The following CTNNA2 variants were observed in gnomAD, a reference collection of about 807,000 sequenced individuals.
The protein encoded by CTNNA2 is catenin alpha-2.
In CTNNA2, 42 loss-of-function variants were observed where a neutral mutation model predicts 101.0. The observed-to-expected ratio is 0.42, with a 90% CI of 0.32 to 0.54. The LOEUF is 0.54. CTNNA2 is among the 20% of genes least tolerant of loss of function. The pLI, the probability that CTNNA2 is intolerant of heterozygous loss-of-function variation, is 0.14. For synonymous variants in CTNNA2, 450 were observed against 456.4 expected, an observed-to-expected ratio of 0.99 and a Z score of 0.18; for missense variants, 871 against 1,223.1, an observed-to-expected ratio of 0.71 and a Z score of 4.29.
At chr2:79,297,510 T>G (rs1214171705) in intron 2 of CTNNA2, among the ~76,000 whole-genome samples, 1 of 152,190 alleles carries the variant, frequency 6.6e-6, no homozygotes, top group East Asian at 1.9e-4. Context: ...GGCTTTACTT[T>G]CTCATATCCT....
intron 2 of CTNNA2, 108 bp downstream of exon 2, chr2:79,651,766 G>C (rs1366941944): frequency 2.2e-6 from 2 of 891,608 alleles, no homozygotes; most frequent in African/African-American, 3.3e-5. Context: ...ATCATGCCAT[G>C]ATTCCGATTA....
Position 80,076,278 on chromosome 2 carries a change from C to CTT in CTNNA2, c.1056+166492_1056+166493dup, listed in dbSNP as rs200074706. ...TACAGACTTTTTGCATCATTTTTTC[C>CTT]TTTTTTTTTTTTCTTTTTTAGATAG... is the stretch of plus-strand genomic sequence containing the variant. On this transcript the variant is annotated intron_variant, in intron 7 of 18. Transcript: ENST00000402739. Among the ~76,000 whole-genome samples the CTT allele has an allele frequency of 1.4e-4, 20 of 145,124 alleles. No homozygotes were observed. In the South Asian group the frequency reaches 1.5e-3, roughly 11 times the overall value.
intron 7 of CTNNA2, among the ~76,000 whole-genome samples, chr2:79,983,763 T>A (rs1691559841): frequency 1.3e-5 from 2 of 152,350 alleles, no homozygotes; most frequent in African/African-American, 4.8e-5. Context: ...ATCTTAAAAT[T>A]GTGTTTGATT....
At chr2:79,399,248 T>C (rs563681042) in intron 4 of CTNNA2, among the ~76,000 whole-genome samples, 1 of 152,132 alleles carries the variant, frequency 6.6e-6, no homozygotes, top group South Asian at 2.1e-4. Flanking sequence ...AAAAGTGAAA[T>C]ATCCATAGGA....
chr2:79,300,163 G>T (rs986733003), intron 2 of CTNNA2, among the ~76,000 whole-genome samples: 1 of 152,044 alleles, frequency 6.6e-6, no homozygotes, highest in Non-Finnish European at 1.5e-5. Context: ...AATTCCCCCT[G>T]CTCTAACTAC....
intron 7 of CTNNA2, among the ~76,000 whole-genome samples, chr2:80,348,535 A>T (rs1166689620): frequency 6.6e-6 from 1 of 152,170 alleles, no homozygotes; most frequent in Non-Finnish European, 1.5e-5. Flanking sequence ...AAAAGTCTTT[A>T]TCTGATTCCT....
At chr2:79,873,927 A>C (rs1682793904) in intron 5 of CTNNA2, 149 bp from the exon 6 acceptor site, 3 of 1,254,316 alleles carry the variant, frequency 2.4e-6, no homozygotes, top group Non-Finnish European at 3.2e-6. Context: ...AACAAACAAA[A>C]GAGTATATGC....
chr2:79,510,650 C>A (rs1054258899), upstream of CTNNA2, among the ~76,000 whole-genome samples: 10 of 152,178 alleles, frequency 6.6e-5, no homozygotes, highest in African/African-American at 2.2e-4. Flanking sequence ...TTATCACTGT[C>A]TGATTGACAG....
intron 18 of CTNNA2, among the ~76,000 whole-genome samples, chr2:80,625,703 G>T (rs1453107444): frequency 6.6e-6 from 1 of 151,712 alleles, no homozygotes; most frequent in Non-Finnish European, 1.5e-5. Flanking sequence ...TTCTTCCATT[G>T]TAGTGAGTTA....
At chr2:79,842,110 T>C (rs1679865650) in intron 3 of CTNNA2, among the ~76,000 whole-genome samples, 1 of 152,196 alleles carries the variant, frequency 6.6e-6, no homozygotes, top group African/African-American at 2.4e-5. Context: ...TAGATTAGTT[T>C]TCAAAAATAA....
chr2:80,609,665 C>T (rs1698300694), intron 17 of CTNNA2, among the ~76,000 whole-genome samples: 1 of 151,756 alleles, frequency 6.6e-6, no homozygotes, highest in Admixed American at 6.6e-5. Flanking sequence ...TTTCCCATAC[C>T]ACTCAGCTTT....
chr2:79,723,698 A>C (rs1686632756), intron 2 of CTNNA2, among the ~76,000 whole-genome samples: 1 of 152,120 alleles, frequency 6.6e-6, no homozygotes. Flanking sequence ...CTGATCATAC[A>C]TATGGTACTT....
Position 80,303,562 on chromosome 2 carries a change from C to A in CTNNA2, c.1057-89649C>A, listed in dbSNP as rs200396240. The A allele has an allele frequency of 6.2e-6, 10 of 1,614,228 alleles. 2 individuals carry two copies. The South Asian group carries it at 9.9e-5, about 16-fold the overall frequency. ...AGAGCCACGTGAGCTGCATTAACCCCGTGAACTGGCCGGCGCGCAGCTCCG... is the reference window on the plus strand; with the variant it reads ...AGAGCCACGTGAGCTGCATTAACCCAGTGAACTGGCCGGCGCGCAGCTCCG... On this transcript the variant is annotated intron_variant, in intron 7 of 18. Coordinates refer to ENST00000402739, the MANE Select transcript of CTNNA2 (RefSeq NM_001282597.3). The surrounding 1 kb of genome is among the most constrained non-coding windows in gnomAD (Gnocchi z 7.7).
intron 2 of CTNNA2, among the ~76,000 whole-genome samples, chr2:79,208,140 G>A (rs1674124516): frequency 6.6e-6 from 1 of 151,978 alleles, no homozygotes; most frequent in African/African-American, 2.4e-5. Flanking sequence ...TAAATCTCCA[G>A]GCCACTTTCC....
intron 7 of CTNNA2, among the ~76,000 whole-genome samples, chr2:80,204,484 C>G (rs185530003): frequency 2.5e-3 from 387 of 152,352 alleles, no homozygotes; most frequent in African/African-American, 8.9e-3. Flanking sequence ...CCACCAGTCT[C>G]TTTGCTAAAA....
intron 1 of CTNNA2, among the ~76,000 whole-genome samples, chr2:79,618,493 G>GA (rs1432471263): frequency 4.6e-5 from 7 of 152,074 alleles, no homozygotes; most frequent in Non-Finnish European, 1.0e-4. Flanking sequence ...TCACTGATGA[G>GA]AAAAAAATAT....
chr2:80,417,187 G>A (rs1324722500), intron 8 of CTNNA2, among the ~76,000 whole-genome samples: 1 of 150,838 alleles, frequency 6.6e-6, no homozygotes, highest in African/African-American at 2.4e-5. Context: ...AGTACAATAT[G>A]ATATTTTAAT....
At chr2:79,962,406 C>T (rs1200930117) in intron 7 of CTNNA2, among the ~76,000 whole-genome samples, 1 of 152,222 alleles carries the variant, frequency 6.6e-6, no homozygotes, top group Non-Finnish European at 1.5e-5. Flanking sequence ...TTAATACTGT[C>T]ACACTGGGGA....
At chr2:80,392,102 G>A (rs1017955301) in intron 7 of CTNNA2, among the ~76,000 whole-genome samples, 2 of 152,136 alleles carry the variant, frequency 1.3e-5, no homozygotes, top group African/African-American at 2.4e-5. Flanking sequence ...TATGCTTCCC[G>A]GATTTTGTCA....
Sources: allele counts gnomAD v4.1 joint callset (sites outside exome capture counted in the v4.1 genomes callset), GRCh38; gene constraint gnomAD v4.1.1; non-coding constraint Gnocchi (gnomAD v3.1); transcripts MANE v1.5; gene names NCBI Gene and HGNC (gene_info 2026-07-23, HGNC 2026-07-21).